Variants in ROR2 observed in about 807,000 individuals in gnomAD.
ROR2 encodes tyrosine-protein kinase transmembrane receptor ROR2.
Under a neutral mutation model 74.9 loss-of-function variants are expected in ROR2, and 33 were observed. The observed-to-expected ratio is 0.44, with a 90% CI of 0.33 to 0.59. The LOEUF (loss-of-function observed/expected upper bound fraction) is 0.59. Among genes scored for constraint, ROR2 ranks in the 20% least tolerant of loss-of-function variants. The pLI is 0.02. For missense variants in ROR2, 1,216 were observed against 1,313.8 expected, an observed-to-expected ratio of 0.93 and a Z score of 1.15; for synonymous variants, 586 against 558.7, an observed-to-expected ratio of 1.05 and a Z score of -0.69.
intron 1 of ROR2, among the ~76,000 whole-genome samples, chr9:91,811,256 C>A (rs1047616768): frequency 2.0e-5 from 3 of 152,206 alleles, no homozygotes; most frequent in Non-Finnish European, 4.4e-5. Flanking sequence ...AGCTGTCCCT[C>A]CAGGGGAACC....
At chr9:91,739,171 C>T (rs1327811038) in intron 4 of ROR2, among the ~76,000 whole-genome samples, 2 of 152,204 alleles carry the variant, frequency 1.3e-5, no homozygotes, top group African/African-American at 4.8e-5. Flanking sequence ...TTCCATTCTA[C>T]ATCCATTTAG....
Position 91,806,066 on chromosome 9 carries a change from C to T in ROR2, c.98-30248G>A, listed in dbSNP as rs71494481. Among the ~76,000 whole-genome samples, 13 of 152,256 alleles carry T rather than the reference C, an allele frequency of 8.5e-5. No homozygotes were observed. In the South Asian group the frequency reaches 1.5e-3, roughly 17 times the overall value. ...ACAATGTGCCTTTTCAAGGTAGAAC[C>T]GGCTGCTTTGTGTGACTGTTCGGGT... On this transcript the variant is annotated intron_variant, in intron 1 of 8. Transcript: ENST00000375708.
chr9:91,853,827 T>TG lies in ROR2; in HGVS notation c.98-78010dup, dbSNP rs369161211. ...ATGGGGCTGTGGGCAGCAAGGACTG[T>TG]GGGAAATGGCAGAGAGACATGAAAT... On this transcript the variant is annotated intron_variant, in intron 1 of 8. Coordinates refer to ENST00000375708, the MANE Select transcript of ROR2 (RefSeq NM_004560.4). Among the ~76,000 whole-genome samples, 448 of 152,182 alleles carry TG rather than the reference T, an allele frequency of 2.9e-3. 4 individuals are homozygous for TG. Among genetic ancestry groups the TG allele is most frequent in the African/African-American group, 9.7e-3 (401 of 41,514 alleles).
intron 1 of ROR2, among the ~76,000 whole-genome samples, chr9:91,802,800 C>T (rs1268362022): frequency 5.3e-5 from 8 of 152,124 alleles, no homozygotes; most frequent in Non-Finnish European, 8.8e-5. Flanking sequence ...AGTGGAGGAA[C>T]CACCACACTA....
chr9:91,925,300 T>C (rs1231572916), intron 1 of ROR2, among the ~76,000 whole-genome samples: 1 of 152,048 alleles, frequency 6.6e-6, no homozygotes, highest in Non-Finnish European at 1.5e-5. Context: ...AGACATTAAC[T>C]TACACAGCTC....
intron 1 of ROR2, among the ~76,000 whole-genome samples, chr9:91,865,247 T>TAC (rs1440293331): frequency 1.2e-4 from 19 of 152,168 alleles, no homozygotes; most frequent in Non-Finnish European, 7.3e-5. Flanking sequence ...GCTGGCAGGT[T>TAC]ACACACTTCC....
At chr9:91,769,186 A>T (rs796967014) in intron 2 of ROR2, among the ~76,000 whole-genome samples, 8 of 152,074 alleles carry the variant, frequency 5.3e-5, no homozygotes, top group African/African-American at 1.9e-4. Flanking sequence ...TCCCCATGTC[A>T]TCCTGGAGCT....
At chr9:91,786,076 A>G (rs1198777873) in intron 1 of ROR2, among the ~76,000 whole-genome samples, 2 of 151,384 alleles carry the variant, frequency 1.3e-5, no homozygotes, top group East Asian at 1.9e-4. Flanking sequence ...GCTCATGCCT[A>G]TAACCCCAGC....
At chr9:91,817,560 T>G (rs1827984329) in intron 1 of ROR2, among the ~76,000 whole-genome samples, 1 of 152,070 alleles carries the variant, frequency 6.6e-6, no homozygotes, top group Non-Finnish European at 1.5e-5. Context: ...CTCCGGGGAG[T>G]GAAGGGGGTC....
At chr9:91,895,234 G>T (rs996611326) in intron 1 of ROR2, among the ~76,000 whole-genome samples, 2 of 152,232 alleles carry the variant, frequency 1.3e-5, no homozygotes, top group Non-Finnish European at 2.9e-5. Context: ...GGAGTCATGT[G>T]ATTGCCAGGG....
At chr9:91,757,188 G>A (rs1825780896) in intron 3 of ROR2, 84 bp downstream of exon 3, 5 of 1,570,132 alleles carry the variant, frequency 3.2e-6, no homozygotes, top group Non-Finnish European at 4.4e-6. Context: ...TGTGTGTTCA[G>A]TTTCAAATAG....
intron 1 of ROR2, among the ~76,000 whole-genome samples, chr9:91,912,894 C>T (rs1364682589): frequency 1.3e-5 from 2 of 152,090 alleles, no homozygotes; most frequent in African/African-American, 4.8e-5. Context: ...TTTGGGAGGC[C>T]GAGGCGGGAG....
intron 1 of ROR2, among the ~76,000 whole-genome samples, chr9:91,848,620 G>A (rs934172001): frequency 6.6e-6 from 1 of 152,140 alleles, no homozygotes; most frequent in Non-Finnish European, 1.5e-5. Context: ...CAGGTGTGGT[G>A]GTGCATGCCC....
chr9:91,743,682 G>A (rs1039503475), intron 4 of ROR2, among the ~76,000 whole-genome samples: 6 of 152,122 alleles, frequency 3.9e-5, no homozygotes, highest in Non-Finnish European at 7.4e-5. Context: ...AAGGGGCAAC[G>A]TCCTCCTCAA....
chr9:91,818,490 G>C (rs1828020607), intron 1 of ROR2, among the ~76,000 whole-genome samples: 1 of 39,694 alleles, frequency 2.5e-5, no homozygotes, highest in Non-Finnish European at 4.5e-5. Context: ...CTCTCCAAAA[G>C]GGCCCCTCAT....
At chr9:91,949,696 G>A (rs1210497357) in intron 1 of ROR2, among the ~76,000 whole-genome samples, 171 bp downstream of exon 1, 2 of 152,198 alleles carry the variant, frequency 1.3e-5, no homozygotes, top group African/African-American at 4.8e-5. Context: ...GAGGGGGTCC[G>A]GGGTGCGGGC....
intron 1 of ROR2, among the ~76,000 whole-genome samples, chr9:91,809,865 G>A (rs1241770852): frequency 2.6e-5 from 4 of 152,190 alleles, no homozygotes; most frequent in Non-Finnish European, 5.9e-5. Context: ...ACCACAAACT[G>A]CCCTCCGCAC....
At chr9:91,846,034 C>T (rs1271965921) in intron 1 of ROR2, among the ~76,000 whole-genome samples, 1 of 152,120 alleles carries the variant, frequency 6.6e-6, no homozygotes, top group Non-Finnish European at 1.5e-5. Context: ...GTGACTAACA[C>T]TCACACAGGG....
intron 1 of ROR2, chr9:91,948,919 C>T (rs1180244719): frequency 4.1e-6 from 4 of 985,254 alleles, no homozygotes; most frequent in Non-Finnish European, 2.4e-6. Context: ...GTCTGCACCG[C>T]CAGAGCTAAC....
Sources: allele counts gnomAD v4.1 joint callset (sites outside exome capture counted in the v4.1 genomes callset), GRCh38; gene constraint gnomAD v4.1.1; transcripts MANE v1.5; gene names NCBI Gene and HGNC (gene_info 2026-07-23, HGNC 2026-07-21).